C1orf159: variants seen among roughly 807,000 people sequenced by gnomAD.
C1orf159 encodes chromosome 1 open reading frame 159.
In C1orf159, 19 loss-of-function variants were observed where a neutral mutation model predicts 25.6. The ratio of observed to expected loss-of-function variants is 0.74; its 90% CI spans 0.52 to 1.09. The LOEUF is 1.09. C1orf159 is among the 50% of genes least tolerant of loss of function. The pLI, the probability that C1orf159 is intolerant of heterozygous loss-of-function variation, is 0.00. For synonymous variants in C1orf159, 139 were observed against 124.7 expected (o/e 1.12, Z -0.77); for missense variants, 274 against 290.6 (o/e 0.94, Z 0.42).
intron 1 of C1orf159, among the ~76,000 whole-genome samples, chr1:1,106,403 G>A (rs1476695930): frequency 6.6e-6 from 1 of 152,196 alleles, no homozygotes; most frequent in Non-Finnish European, 1.5e-5. Context: ...GAACCCTTGT[G>A]CATGCTGCTG....
chr1:1,091,579 G>T lies in C1orf159; in HGVS notation c.-22-14C>A. On this transcript the variant is annotated splice_polypyrimidine_tract_variant and intron_variant, in intron 2 of 9. Coordinates refer to ENST00000421241, the MANE Select transcript of C1orf159 (RefSeq NM_017891.5). ...GATGCGCAGAGCCTGCCACAGGGAG[G>T]AGCATGCGGAGCCAAAGAGATGGAG... The T allele has an allele frequency of 6.5e-7, 1 of 1,530,136 alleles. No homozygotes were observed. The highest frequency in any genetic ancestry group is 1.2e-5 in the South Asian group (1 of 83,584). 94.8% of individuals were successfully genotyped at this position (1,530,136 alleles called of 1,614,324 possible).
chr1:1,085,470 C>T (rs971059286), intron 7 of C1orf159, among the ~76,000 whole-genome samples: 1 of 152,156 alleles, frequency 6.6e-6, no homozygotes, highest in South Asian at 2.1e-4. Flanking sequence ...GGGCCCTGCA[C>T]CAGCCTGGCC....
chr1:1,096,651 G>C (rs1260330994), intron 1 of C1orf159, among the ~76,000 whole-genome samples: 1 of 152,182 alleles, frequency 6.6e-6, no homozygotes, highest in African/African-American at 2.4e-5. Context: ...CATTGCTTTT[G>C]ACAAGTTATA....
rs1459828287 is a variant in C1orf159 at position 1,087,085 on chromosome 1, G to GGCCCCCA, written c.310+47_310+53dup. Reference sequence around the variant, plus strand: ...GGTGAGGGTCTGCACTGGCTCCGACGGCCCCCAGCCCCCAGGACACCGGCA... The same window carrying GGCCCCCA: ...GGTGAGGGTCTGCACTGGCTCCGACGGCCCCCAGCCCCCAGCCCCCAGGACACCGGCA... On this transcript the variant is annotated intron_variant, in intron 6 of 9. Transcript: ENST00000421241. This position sits in a 1 kb window ranked among gnomAD's most constrained non-coding sequence, Gnocchi z 8.3. 7 of 1,547,760 alleles carry GGCCCCCA rather than the reference G, an allele frequency of 4.5e-6. No individual in the cohort carries two copies. The highest frequency in any genetic ancestry group is 1.7e-4 in the Middle Eastern group (1 of 5,972).
intron 1 of C1orf159, chr1:1,105,849 T>G (rs1388642098): frequency 6.6e-6 from 1 of 152,200 alleles, no homozygotes; most frequent in Non-Finnish European, 1.5e-5. Context: ...CACTCCAGCC[T>G]GGGCTACAGA....
chr1:1,090,879 G>A, intron 3 of C1orf159: 1 of 1,549,848 alleles, frequency 6.5e-7, no homozygotes, highest in South Asian at 1.2e-5. Context: ...CACTTACGGT[G>A]TGTGTGAGGG....
At chr1:1,108,739 A>G (rs1450325958) in intron 1 of C1orf159, among the ~76,000 whole-genome samples, 1 of 33,130 alleles carries the variant, frequency 3.0e-5, no homozygotes, top group Admixed American at 2.4e-4. Context: ...CGTCCACCAC[A>G]GCCACCATGT....
chr1:1,087,546 C>T lies in C1orf159; in HGVS notation c.200G>A (p.Gly67Glu), dbSNP rs1645851299. ...ADGSASCVRCGNGTLPAYNGS... is the reference protein window; with the variant it reads ...ADGSASCVRCENGTLPAYNGS... ...GTTGTAGGCTGGGAGGGTTCCGTTC[C>T]CACAGCGGACGCAGCTGGCGCTCCC... The change falls in exon 5 of 10, where the codon GGG becomes GAG. Residue 67 changes from glycine (G) to glutamate (E), a missense_variant. By Grantham distance (98) the Gly-to-Glu change is moderately conservative. Coordinates refer to ENST00000421241, the MANE Select transcript of C1orf159 (RefSeq NM_017891.5). The surrounding 1 kb of genome is among the most constrained non-coding windows in gnomAD (Gnocchi z 8.3). The T allele has an allele frequency of 6.5e-7, 1 of 1,549,494 alleles. No homozygotes were observed. Among genetic ancestry groups the T allele is most frequent in the Non-Finnish European group, 8.7e-7 (1 of 1,146,674 alleles).
intron 1 of C1orf159, among the ~76,000 whole-genome samples, chr1:1,098,183 C>T (rs2100759229): frequency 6.6e-6 from 1 of 152,114 alleles, no homozygotes; most frequent in East Asian, 1.9e-4. Flanking sequence ...CAATTCTCTG[C>T]CCCAGCCGCC....
chr1:1,091,875 T>G (rs1645944650), intron 2 of C1orf159, 116 bp downstream of exon 2: 1 of 452,684 alleles, frequency 2.2e-6, no homozygotes, highest in Non-Finnish European at 4.3e-6. Flanking sequence ...GGCAGGGCCG[T>G]GGCAGGGGTG....
intron 3 of C1orf159, chr1:1,090,752 T>C: frequency 2.3e-6 from 2 of 875,096 alleles, no homozygotes; most frequent in Non-Finnish European, 3.7e-6. Context: ...CTCCGGAGGC[T>C]CTCCATCAGG....
intron 3 of C1orf159, chr1:1,091,193 G>A (rs771531349): frequency 1.5e-4 from 92 of 613,948 alleles, no homozygotes; most frequent in Non-Finnish European, 2.3e-4. Context: ...TGCTGTCACC[G>A]CTGGCAGAGG....
At chr1:1,095,945 CTT>C (rs920592503) in intron 1 of C1orf159, among the ~76,000 whole-genome samples, 1 of 152,146 alleles carries the variant, frequency 6.6e-6, no homozygotes, top group Non-Finnish European at 1.5e-5. Flanking sequence ...TCCTTTCCTT[CTT>C]TATTCTAGTA....
intron 9 of C1orf159, chr1:1,083,324 A>G (rs9442372): frequency 0.58 from 163,173 of 282,186 alleles, 48,165 homozygotes; most frequent in East Asian, 0.8. Context: ...CCGTAGTCCC[A>G]AGACCTCGAA....
intron 1 of C1orf159, among the ~76,000 whole-genome samples, chr1:1,111,560 A>G (rs781100305): frequency 4.6e-5 from 7 of 152,162 alleles, no homozygotes; most frequent in Non-Finnish European, 1.0e-4. Flanking sequence ...AACTGGTTTC[A>G]AGAAAAAAAT....
rs1645887382 is a variant in C1orf159 at position 1,089,290 on chromosome 1, G to A, written c.148+1063C>T. Among the ~76,000 whole-genome samples the A allele has an allele frequency of 6.6e-6, 1 of 152,138 alleles. No individual in the cohort carries two copies. The highest frequency in any genetic ancestry group is 2.4e-5 in the African/African-American group (1 of 41,416). On this transcript the variant is annotated intron_variant, in intron 4 of 9. Coordinates refer to ENST00000421241, the MANE Select transcript of C1orf159 (RefSeq NM_017891.5). The surrounding 1 kb of genome is among the most constrained non-coding windows in gnomAD (Gnocchi z 7.5). Reference sequence around the variant, plus strand: ...TGCTGCACAGCTGCCTGCACCCACAGAGTGCCTGGGGTACACAATCCCTCA... The same window carrying A: ...TGCTGCACAGCTGCCTGCACCCACAAAGTGCCTGGGGTACACAATCCCTCA...
rs1295308621 is a variant in C1orf159 at position 1,086,855 on chromosome 1, G to GC, written c.310+283dup. Among the ~76,000 whole-genome samples, 18 of 152,294 alleles carry GC rather than the reference G, an allele frequency of 1.2e-4. 1 individual carries two copies. The highest frequency in any genetic ancestry group is 9.6e-4 in the East Asian group (5 of 5,188). On this transcript the variant is annotated intron_variant, in intron 6 of 9. Transcript: ENST00000421241. ...GTGAGCCATGAGTGTGAACCTGAGA[G>GC]CGTGTGGCTGTGAGCTGTGTGACCC...
rs1055633701 is a variant in C1orf159, at chr1:1,091,472, C to T, written c.72G>A (p.Thr24=). The change falls in exon 3 of 10, where the codon ACG becomes ACA. Residue 24 remains threonine (T), a splice_region_variant and synonymous_variant. Transcript: ENST00000421241. ...VGVASKSMEN[T]AQLPECCVDV... ...GTGGACACGTGAGGGGGGCACCTAC[C>T]GTGTTCTCCATGGACTTGCTGGCGA... The T allele has an allele frequency of 9.0e-6, 14 of 1,550,320 alleles. No homozygotes were observed. Among genetic ancestry groups the T allele is most frequent in the Middle Eastern group, 1.7e-4 (1 of 5,962 alleles).
At chr1:1,115,201 C>G (rs144292244) in intron 1 of C1orf159, 1 of 152,262 alleles carries the variant, frequency 6.6e-6, no homozygotes, top group Non-Finnish European at 1.5e-5. Context: ...CTTTGAAACG[C>G]GGTAAGAAAT....
Sources: allele counts gnomAD v4.1 joint callset (sites outside exome capture counted in the v4.1 genomes callset), GRCh38; gene constraint gnomAD v4.1.1; non-coding constraint Gnocchi (gnomAD v3.1); transcripts MANE v1.5; gene names NCBI Gene and HGNC (gene_info 2026-07-23, HGNC 2026-07-21).